Variants in SORCS1 observed in about 807,000 individuals in gnomAD.
The protein encoded by SORCS1 is VPS10 domain-containing receptor SorCS1.
Under a neutral mutation model 146.1 loss-of-function variants are expected in SORCS1, and 60 were observed. The observed-to-expected ratio is 0.41, with a 90% CI of 0.33 to 0.51. SORCS1 has a LOEUF of 0.51. SORCS1 is among the 20% of genes least tolerant of loss of function. The probability of loss-of-function intolerance (pLI) is 0.21; values close to 1 mark genes in which losing one functional copy is unlikely to be tolerated. For synonymous variants in SORCS1, 637 were observed against 584.0 expected, an observed-to-expected ratio of 1.09 and a Z score of -1.31; for missense variants, 1,352 against 1,487.6, an observed-to-expected ratio of 0.91 and a Z score of 1.50.
At position 106,629,384 on chromosome 10, in the gene SORCS1, T is replaced by A. The variant is rs1173830131; in HGVS notation, c.2480A>T (p.Asp827Val). Residue 827 changes from aspartate (D) to valine (V), a missense_variant, in exon 19 of 26, where the codon GAT becomes GTT. Asp to Val is a radical substitution (Grantham distance 152). Transcript: ENST00000263054. ...VTLMVQLEEGDVQRTLIQVDF... is the reference protein window; with the variant it reads ...VTLMVQLEEGVVQRTLIQVDF... ...CACTTGGATGAGTGTCCGCTGAACA[T>A]CACCCTGAAAAACAACCCAACATCA... 3 of 1,613,670 alleles carry A rather than the reference T, an allele frequency of 1.9e-6. No individual in the cohort carries two copies. Among genetic ancestry groups the A allele is most frequent in the Admixed American group, 3.3e-5 (2 of 59,992 alleles).
intron 2 of SORCS1, among the ~76,000 whole-genome samples, chr10:106,851,156 C>A (rs2137280017): frequency 6.6e-6 from 1 of 152,278 alleles, no homozygotes; most frequent in East Asian, 1.9e-4. Flanking sequence ...TGTGGCTTGT[C>A]TTCTCATTCT....
chr10:107,099,967 C>T (rs756465538), intron 1 of SORCS1, among the ~76,000 whole-genome samples: 4 of 152,104 alleles, frequency 2.6e-5, no homozygotes, highest in Admixed American at 6.5e-5. Flanking sequence ...CTAATTTTGT[C>T]GGAATCACAG....
chr10:106,844,312 T>G (rs1949209223), intron 2 of SORCS1, among the ~76,000 whole-genome samples: 1 of 152,292 alleles, frequency 6.6e-6, no homozygotes. Flanking sequence ...GAAACTTTTT[T>G]GATTAATATA....
chr10:106,912,085 C>G (rs1952188792), intron 2 of SORCS1, among the ~76,000 whole-genome samples: 1 of 150,094 alleles, frequency 6.7e-6, no homozygotes, highest in Non-Finnish European at 1.5e-5. Flanking sequence ...TGCACTCCAG[C>G]CTGAGCGACA....
At chr10:106,989,690 T>TTTTTG (rs1554906171) in intron 1 of SORCS1, among the ~76,000 whole-genome samples, 1,599 of 140,186 alleles carry the variant, frequency 0.011, 53 homozygotes, top group African/African-American at 0.043. Flanking sequence ...GTTTTTTTTT[T>TTTTTG]TTTTTTTTTT....
At chr10:106,989,005 A>G (rs1033794378) in intron 1 of SORCS1, among the ~76,000 whole-genome samples, 3 of 151,874 alleles carry the variant, frequency 2.0e-5, no homozygotes, top group South Asian at 4.2e-4. Flanking sequence ...TCACACCCGT[A>G]ATCCCAGCAC....
rs1375615581 is a variant in SORCS1 at position 106,577,297 on chromosome 10, G to C, written c.*123C>G. On this transcript the variant is annotated 3_prime_UTR_variant, in exon 26 of 26. Coordinates refer to ENST00000263054, the MANE Select transcript of SORCS1 (RefSeq NM_052918.5). ...TATGGAAATACTTCCTGGCAAAATA[G>C]GAAACAGAACAACAAAGGAAAGAAA... The C allele has an allele frequency of 6.2e-7, 1 of 1,608,786 alleles. No individual in the cohort carries two copies. The highest frequency in any genetic ancestry group is 8.5e-7 in the Non-Finnish European group (1 of 1,177,362).
chr10:107,096,050 C>G (rs1349285248), intron 1 of SORCS1, among the ~76,000 whole-genome samples: 13 of 152,194 alleles, frequency 8.5e-5, no homozygotes. Context: ...CATTTCCATC[C>G]AGCTGGAAAC....
chr10:106,958,562 GA>G (rs922991718), intron 1 of SORCS1, among the ~76,000 whole-genome samples: 15 of 151,260 alleles, frequency 9.9e-5, no homozygotes, highest in South Asian at 2.1e-4. Context: ...TGAGTTCAAG[GA>G]AAAAAAAATT....
intron 1 of SORCS1, among the ~76,000 whole-genome samples, chr10:106,987,757 C>A (rs1466061234): frequency 6.6e-6 from 1 of 152,186 alleles, no homozygotes; most frequent in African/African-American, 2.4e-5. Flanking sequence ...TGGTAATAAG[C>A]TGTTCCACTA....
intron 2 of SORCS1, among the ~76,000 whole-genome samples, chr10:106,833,787 T>C (rs1193753438): frequency 2.0e-5 from 1 of 50,182 alleles, no homozygotes; most frequent in Non-Finnish European, 4.2e-5. Flanking sequence ...TCTTTTGTTA[T>C]TATTATTATT....
At chr10:106,600,500 C>G in intron 23 of SORCS1, 1 of 984,386 alleles carries the variant, frequency 1.0e-6, no homozygotes, top group South Asian at 4.7e-5. Flanking sequence ...GAGTATGAAA[C>G]TGTTGACAGA....
intron 6 of SORCS1, among the ~76,000 whole-genome samples, chr10:106,729,656 G>A (rs1856455231): frequency 1.3e-5 from 2 of 152,170 alleles, no homozygotes; most frequent in African/African-American, 4.8e-5. Flanking sequence ...TGAGAGGGCT[G>A]TGCTGGTATC....
intron 2 of SORCS1, among the ~76,000 whole-genome samples, chr10:106,884,032 C>T (rs1308270108): frequency 6.6e-6 from 1 of 152,112 alleles, no homozygotes. Context: ...ATATCTACAA[C>T]CTTGCTTCCT....
intron 2 of SORCS1, among the ~76,000 whole-genome samples, chr10:106,920,210 G>C (rs1358044429): frequency 6.6e-6 from 1 of 152,182 alleles, no homozygotes; most frequent in Non-Finnish European, 1.5e-5. Flanking sequence ...CACCCACTGG[G>C]ACTCAAGACC....
chr10:106,824,938 A>G (rs1430406450), intron 3 of SORCS1, among the ~76,000 whole-genome samples: 1 of 152,082 alleles, frequency 6.6e-6, no homozygotes, highest in African/African-American at 2.4e-5. Flanking sequence ...TGCAGAAAAC[A>G]TAAAGAACAA....
intron 1 of SORCS1, among the ~76,000 whole-genome samples, chr10:106,983,981 G>A (rs1956344986): frequency 6.6e-6 from 1 of 152,100 alleles, no homozygotes; most frequent in Non-Finnish European, 1.5e-5. Flanking sequence ...TAAGAAAGCT[G>A]GTGAAATATT....
intron 4 of SORCS1, among the ~76,000 whole-genome samples, chr10:106,769,757 C>T (rs555471236): frequency 6.6e-6 from 1 of 152,254 alleles, no homozygotes; most frequent in Non-Finnish European, 1.5e-5. Flanking sequence ...ATGATTTTAA[C>T]TGAAAGTCAG....
intron 1 of SORCS1, among the ~76,000 whole-genome samples, chr10:107,053,152 C>A (rs1371179445): frequency 1.3e-5 from 2 of 152,098 alleles, no homozygotes; most frequent in Non-Finnish European, 2.9e-5. Flanking sequence ...ACTCTACTGT[C>A]TAAGAAACCC....
Sources: gnomAD v4.1 joint callset for allele counts (sites outside exome capture counted in the v4.1 genomes callset) on GRCh38, gnomAD v4.1.1 for gene constraint, MANE v1.5 for transcripts, NCBI Gene and HGNC (gene_info 2026-07-23, HGNC 2026-07-21) for gene names.